The following UBXN2A variants were observed in gnomAD, a reference collection of about 807,000 sequenced individuals.
UBXN2A encodes the protein UBX domain-containing protein 2A.
UBXN2A carries 28 observed loss-of-function variants against 28.4 expected under a neutral mutation model. The observed-to-expected ratio is 0.99, with a 90% CI of 0.73 to 1.35. UBXN2A has a LOEUF of 1.35. UBXN2A is among the 40% of genes most tolerant of loss of function. UBXN2A has a pLI of 0.00. For missense variants in UBXN2A, 253 were observed against 297.9 expected (o/e 0.85, Z 1.11); for synonymous variants, 97 against 103.6 (o/e 0.94, Z 0.39).
At chr2:23,978,528 C>A (rs184397556) in intron 4 of UBXN2A, among the ~76,000 whole-genome samples, 5,853 of 152,008 alleles carry the variant, frequency 0.039, 110 homozygotes, top group Admixed American at 0.046. Flanking sequence ...CCTGTAGTCC[C>A]AGCTACTTGG....
At chr2:23,933,613 T>C (rs1705440424) in intron 1 of UBXN2A, among the ~76,000 whole-genome samples, 1 of 152,194 alleles carries the variant, frequency 6.6e-6, no homozygotes, top group Non-Finnish European at 1.5e-5. Context: ...TCCCAGCTAC[T>C]CAGGGGGCTG....
At chr2:23,996,840 A>G (rs1322993983) in intron 6 of UBXN2A, 2 of 150,568 alleles carry the variant, frequency 1.3e-5, no homozygotes, top group African/African-American at 4.9e-5. Context: ...TGGCAGGGCT[A>G]TTCACAGGTG....
At chr2:23,988,335 T>C (rs1708213464) in intron 6 of UBXN2A, among the ~76,000 whole-genome samples, 1 of 152,162 alleles carries the variant, frequency 6.6e-6, no homozygotes, top group Non-Finnish European at 1.5e-5. Context: ...GGTTTTCCAT[T>C]TTATCTAATA....
At chr2:23,952,390 A>G (rs1256801457) in intron 1 of UBXN2A, among the ~76,000 whole-genome samples, 2 of 152,132 alleles carry the variant, frequency 1.3e-5, no homozygotes, top group Non-Finnish European at 2.9e-5. Context: ...CAGCCTCCGG[A>G]GTAGCTGGGA....
chr2:23,971,464 A>G lies in UBXN2A; in HGVS notation c.180+50A>G, dbSNP rs370770662. 15 of 1,465,722 alleles carry G rather than the reference A, an allele frequency of 1.0e-5. No individual in the cohort carries two copies. In the African/African-American group the frequency reaches 1.3e-4, roughly 12 times the overall value. The allele number at this position is 1,465,722 out of a possible 1,614,324, so 90.8% of individuals were successfully genotyped here. A position where few individuals can be genotyped will look rare whatever the true frequency, so the allele number is the denominator to read the frequency against. ...TTTTTCTTTCAGTGTTTCTCAATAT[A>G]TGGACCTGTTAGAGGGTCCCTAAGG... On this transcript the variant is annotated intron_variant, in intron 3 of 6. Transcript: ENST00000309033.
chr2:23,940,071 T>C (rs570604909), upstream of UBXN2A, among the ~76,000 whole-genome samples: 2 of 148,198 alleles, frequency 1.3e-5, no homozygotes, highest in East Asian at 2.0e-4. Context: ...GATCGCGCCA[T>C]TGTATTCCAA....
chr2:23,962,991 T>A (rs1250124285), intron 2 of UBXN2A, among the ~76,000 whole-genome samples: 1 of 152,152 alleles, frequency 6.6e-6, no homozygotes, highest in Non-Finnish European at 1.5e-5. Context: ...AAGAGCAAGT[T>A]ACATCTTAAC....
rs1232885639 is a variant in UBXN2A, at chr2:24,003,150, T to A, written c.*3283T>A. ...GTCTCAGATCTCTGCATTTTTAATC[T>A]CACGTGATTCTTAAGTATGTGGTGG... On this transcript the variant is annotated 3_prime_UTR_variant, in exon 7 of 7. Transcript: ENST00000309033. 2.0e-5 allele frequency: 3 copies of A among 152,190 alleles called. No individual in the cohort carries two copies. The highest frequency in any genetic ancestry group is 7.2e-5 in the African/African-American group (3 of 41,438). The allele number at this position is 152,190 out of a possible 1,614,324, so 9.4% of individuals were successfully genotyped here.
At chr2:23,992,970 G>A (rs772966268) in intron 6 of UBXN2A, among the ~76,000 whole-genome samples, 3 of 152,154 alleles carry the variant, frequency 2.0e-5, no homozygotes, top group Non-Finnish European at 2.9e-5. Flanking sequence ...TACTCTGCAA[G>A]GAGGTTTCTG....
intron 1 of UBXN2A, among the ~76,000 whole-genome samples, chr2:23,952,831 G>C (rs987623453): frequency 1.3e-5 from 2 of 152,118 alleles, no homozygotes; most frequent in East Asian, 1.9e-4. Context: ...CTCCCACTTT[G>C]ACATCCCAAA....
chr2:23,985,034 A>G (rs533818120), intron 6 of UBXN2A, among the ~76,000 whole-genome samples: 190 of 152,158 alleles, frequency 1.2e-3, no homozygotes, highest in African/African-American at 4.4e-3. Flanking sequence ...CCTGAGTTGT[A>G]GAACTACAGC....
At chr2:23,987,889 C>G (rs1308124344) in intron 6 of UBXN2A, among the ~76,000 whole-genome samples, 1 of 151,754 alleles carries the variant, frequency 6.6e-6, no homozygotes, top group African/African-American at 2.4e-5. Flanking sequence ...TTTAGGAGAC[C>G]GAGGCAGGCA....
intron 1 of UBXN2A, among the ~76,000 whole-genome samples, chr2:23,953,720 G>T (rs1706482319): frequency 6.6e-6 from 1 of 152,116 alleles, no homozygotes; most frequent in South Asian, 2.1e-4. Context: ...GAAGAAAATG[G>T]ATCATTTTTC....
chr2:23,927,286 G>A, upstream of UBXN2A: 1 of 152,552 alleles, frequency 6.6e-6, no homozygotes. Context: ...GTGGTTTCCA[G>A]CTCTCCCCGA....
intron 1 of UBXN2A, among the ~76,000 whole-genome samples, chr2:23,945,991 C>G (rs897546117): frequency 6.6e-6 from 1 of 151,668 alleles, no homozygotes; most frequent in Admixed American, 6.6e-5. Context: ...GTTCCCACGT[C>G]CGGCTAGTTT....
chr2:23,991,968 T>G (rs1312435963), intron 6 of UBXN2A, among the ~76,000 whole-genome samples: 1 of 151,444 alleles, frequency 6.6e-6, no homozygotes. Flanking sequence ...ATTTTTGGGG[T>G]TTTTTGTTTT....
At chr2:23,999,607 G>A (rs1208996284) in intron 6 of UBXN2A, 65 bp from the exon 7 acceptor site, 7 of 1,484,710 alleles carry the variant, frequency 4.7e-6, no homozygotes, top group Non-Finnish European at 6.4e-6. Context: ...ACCAGTTGTT[G>A]TTACTATAAA....
At position 23,984,742 on chromosome 2, in the gene UBXN2A, T is replaced by A; in HGVS notation, c.495T>A (p.Val165=). ...EVENKNNLSA[V]PLNNLEPITN... is the part of the protein sequence containing the mutation. ...AAAATAAAAATAATTTGTCTGCTGTTCCACTGAACAACTTGGAACCCATTA... is the reference window on the plus strand; with the variant it reads ...AAAATAAAAATAATTTGTCTGCTGTACCACTGAACAACTTGGAACCCATTA... The change falls in exon 6 of 7, where the codon GTT becomes GTA. Residue 165 remains valine, a synonymous_variant. Transcript: ENST00000309033. The A allele has an allele frequency of 6.4e-7, 1 of 1,565,610 alleles. No homozygotes were observed. Among genetic ancestry groups the A allele is most frequent in the Non-Finnish European group, 8.6e-7 (1 of 1,164,758 alleles).
intron 1 of UBXN2A, among the ~76,000 whole-genome samples, chr2:23,941,320 A>G (rs1313775568): frequency 6.6e-6 from 1 of 152,198 alleles, no homozygotes; most frequent in Non-Finnish European, 1.5e-5. Context: ...GGCCGGTTGC[A>G]GTTTGTTTTT....
Sources: gnomAD v4.1 joint callset for allele counts (sites outside exome capture counted in the v4.1 genomes callset) on GRCh38, gnomAD v4.1.1 for gene constraint, MANE v1.5 for transcripts, NCBI Gene and HGNC (gene_info 2026-07-23, HGNC 2026-07-21) for gene names.